Variants in SIPA1L1 observed in about 807,000 individuals in gnomAD.
SIPA1L1 encodes signal induced proliferation associated 1 like 1, also known as signal-induced proliferation-associated 1-like protein 1.
In SIPA1L1, 26 loss-of-function variants were observed where a neutral mutation model predicts 162.7. The ratio of observed to expected loss-of-function variants is 0.16; its 90% confidence interval spans 0.12 to 0.22. SIPA1L1 has a LOEUF of 0.22. SIPA1L1 is among the 10% of genes least tolerant of loss of function. SIPA1L1 has a pLI of 1.00. For missense variants in SIPA1L1, 1,874 were observed against 2,241.0 expected (o/e 0.84, Z 3.31); for synonymous variants, 829 against 837.4 (o/e 0.99, Z 0.17).
At chr14:71,347,136 T>A (rs2036250974) in intron 2 of SIPA1L1, among the ~76,000 whole-genome samples, 1 of 151,550 alleles carries the variant, frequency 6.6e-6, no homozygotes. Context: ...TTTTTTCGTA[T>A]TTTTAGTAGA....
chr14:71,669,295 A>G (rs1008239535), intron 10 of SIPA1L1, among the ~76,000 whole-genome samples: 8 of 152,180 alleles, frequency 5.3e-5, no homozygotes, highest in African/African-American at 1.7e-4. Flanking sequence ...AGTTCTATCA[A>G]TTAATAAATG....
At position 71,635,204 on chromosome 14, in the gene SIPA1L1, A is replaced by T. The variant is rs189945013; in HGVS notation, c.1818+10968A>T. Among the ~76,000 whole-genome samples the T allele has an allele frequency of 1.6e-4, 24 of 150,818 alleles. 1 individual carries two copies. Among genetic ancestry groups the T allele is most frequent in the Admixed American group, 1.3e-4 (2 of 15,164 alleles). On this transcript the variant is annotated intron_variant, in intron 7 of 23. Coordinates refer to ENST00000381232, the MANE Select transcript of SIPA1L1 (RefSeq NM_001386936.1). ...TGAGGCAAGATAATCACTTGAACCC[A>T]GGAGGTGGACATTGCAGTAAGCTGA...
At chr14:71,543,750 A>G (rs1277328830) in intron 4 of SIPA1L1, among the ~76,000 whole-genome samples, 1 of 147,146 alleles carries the variant, frequency 6.8e-6, no homozygotes, top group African/African-American at 2.5e-5. Context: ...TGTTTTTCTA[A>G]ATTATCTTCG....
chr14:71,605,308 A>G (rs111819972), intron 5 of SIPA1L1, among the ~76,000 whole-genome samples: 13 of 152,018 alleles, frequency 8.6e-5, no homozygotes, highest in African/African-American at 3.1e-4. Context: ...GTTTTTCAGT[A>G]TTTGGTTGTA....
At chr14:71,706,282 T>G (rs1026287244) in intron 16 of SIPA1L1, among the ~76,000 whole-genome samples, 19 of 152,204 alleles carry the variant, frequency 1.2e-4, no homozygotes, top group African/African-American at 4.3e-4. Flanking sequence ...AATCTACTTG[T>G]AAATGATAGA....
chr14:71,733,842 C>G, intron 21 of SIPA1L1, 30 bp downstream of exon 21: 3 of 1,605,060 alleles, frequency 1.9e-6, no homozygotes, highest in South Asian at 2.2e-5. Context: ...ACAAGACAGC[C>G]CAGGATCCTG....
At chr14:71,542,516 TTCC>T (rs575591890) in intron 4 of SIPA1L1, among the ~76,000 whole-genome samples, 14 of 144,738 alleles carry the variant, frequency 9.7e-5, no homozygotes, top group Admixed American at 5.5e-4. Context: ...GTCCTTCCTC[TTCC>T]TCCTCCTCCT....
chr14:71,496,106 G>A (rs2049757157), intron 2 of SIPA1L1, among the ~76,000 whole-genome samples: 1 of 149,546 alleles, frequency 6.7e-6, no homozygotes. Flanking sequence ...ATTGTCTTTA[G>A]CCACAGCTTT....
In SIPA1L1 at chr14:71,570,039, C is replaced by G. The variant is rs905658459; in HGVS notation, c.-302-17532C>G. On this transcript the variant is annotated intron_variant, in intron 4 of 23. Coordinates refer to ENST00000381232, the MANE Select transcript of SIPA1L1 (RefSeq NM_001386936.1). ...ACTATGGAAGGCAGATTTTGTATAA[C>G]GAAAGGAGAGGTGATTCCCTGGATG... Among the ~76,000 whole-genome samples, 7 of 151,944 alleles carry G rather than the reference C, an allele frequency of 4.6e-5. No individual in the cohort carries two copies. In the East Asian group the frequency reaches 9.6e-4, roughly 21 times the overall value.
At chr14:71,560,783 C>T (rs2056725579) in intron 4 of SIPA1L1, among the ~76,000 whole-genome samples, 1 of 152,276 alleles carries the variant, frequency 6.6e-6, no homozygotes, top group Non-Finnish European at 1.5e-5. Flanking sequence ...GGAGTGAGGA[C>T]AGTATGTATT....
chr14:71,603,306 C>G (rs1321688241), intron 5 of SIPA1L1, among the ~76,000 whole-genome samples: 1 of 151,882 alleles, frequency 6.6e-6, no homozygotes, highest in African/African-American at 2.4e-5. Context: ...ATCAGCCGAT[C>G]TATATCTTTT....
In SIPA1L1 at chr14:71,370,719, GC is replaced by G. The variant is rs1881834392; in HGVS notation, c.-465+49539del. Among the ~76,000 whole-genome samples, 12 of 152,282 alleles carry G rather than the reference GC, an allele frequency of 7.9e-5. No homozygotes were observed. The South Asian group carries it at 2.5e-3, about 32-fold the overall frequency. ...AATGGAGAGTCAGAGAGGCCAACTT[GC>G]GTGCCCAAGGTCAGTTATGAATCTA... On this transcript the variant is annotated intron_variant, in intron 2 of 23. Transcript: ENST00000381232.
chr14:71,487,030 T>G (rs2048819748), intron 2 of SIPA1L1, among the ~76,000 whole-genome samples: 1 of 152,216 alleles, frequency 6.6e-6, no homozygotes, highest in Non-Finnish European at 1.5e-5. Context: ...CTACGCTGAT[T>G]CAGTACCAAA....
At chr14:71,328,542 G>A (rs994469474) in intron 2 of SIPA1L1, among the ~76,000 whole-genome samples, 1 of 152,172 alleles carries the variant, frequency 6.6e-6, no homozygotes, top group African/African-American at 2.4e-5. Context: ...AGGTAAATAA[G>A]TAGTGGACTT....
intron 12 of SIPA1L1, among the ~76,000 whole-genome samples, chr14:71,681,314 C>T (rs965367807): frequency 2.0e-5 from 3 of 152,244 alleles, no homozygotes; most frequent in Middle Eastern, 3.4e-3. Flanking sequence ...CCGTCATTCC[C>T]GTGACAAGAT....
Position 71,377,785 on chromosome 14 carries a change from GC to G in SIPA1L1, c.-465+56606del, listed in dbSNP as rs1015931735. Reference sequence around the variant, plus strand: ...AGTTCAGGAGCTGGAGACCAGTCCGGCCAACACGGCGAAACCCCGTCTCCAC... The same window carrying G: ...AGTTCAGGAGCTGGAGACCAGTCCGGCAACACGGCGAAACCCCGTCTCCAC... On this transcript the variant is annotated intron_variant, in intron 2 of 23. Coordinates refer to ENST00000381232, the MANE Select transcript of SIPA1L1 (RefSeq NM_001386936.1). The surrounding 1 kb of genome is among the most constrained non-coding windows in gnomAD (Gnocchi z 4.8). Among the ~76,000 whole-genome samples, 2 of 152,214 alleles carry G rather than the reference GC, an allele frequency of 1.3e-5. No individual in the cohort carries two copies. The highest frequency in any genetic ancestry group is 6.5e-5 in the Admixed American group (1 of 15,286).
intron 5 of SIPA1L1, among the ~76,000 whole-genome samples, chr14:71,602,285 C>T (rs917473547): frequency 1.8e-4 from 28 of 152,034 alleles, no homozygotes; most frequent in Non-Finnish European, 3.4e-4. Flanking sequence ...CAAGAAATTT[C>T]TTCATTTTCT....
At chr14:71,697,047 G>A (rs1301165556) in intron 13 of SIPA1L1, among the ~76,000 whole-genome samples, 2 of 152,178 alleles carry the variant, frequency 1.3e-5, no homozygotes, top group African/African-American at 2.4e-5. Flanking sequence ...TGGTCAGATG[G>A]TTCAAGGCCT....
At chr14:71,635,924 C>T (rs909332244) in intron 7 of SIPA1L1, among the ~76,000 whole-genome samples, 1 of 151,946 alleles carries the variant, frequency 6.6e-6, no homozygotes, top group Non-Finnish European at 1.5e-5. Context: ...TTAGTAATGT[C>T]AGGTAAAGTA....
Sources: gnomAD v4.1 joint callset for allele counts (sites outside exome capture counted in the v4.1 genomes callset) on GRCh38, gnomAD v4.1.1 for gene constraint, Gnocchi (gnomAD v3.1) non-coding constraint, MANE v1.5 for transcripts, NCBI Gene and HGNC (gene_info 2026-07-23, HGNC 2026-07-21) for gene names.